Variants in GLS observed in about 807,000 individuals in gnomAD.
GLS encodes the protein glutaminase.
A neutral mutation model predicts 86.7 loss-of-function variants in GLS; 36 were observed. That is an observed-to-expected ratio of 0.42 (90% CI 0.32 to 0.55). The LOEUF (loss-of-function observed/expected upper bound fraction) is 0.55, where lower values mean the gene tolerates loss of function less well. GLS is among the 20% of genes least tolerant of loss of function. The probability of loss-of-function intolerance (pLI) is 0.17; values close to 1 mark genes in which losing one functional copy is unlikely to be tolerated. For synonymous variants in GLS, 317 were observed against 305.9 expected (o/e 1.04, Z -0.38); for missense variants, 528 against 833.4 (o/e 0.63, Z 4.51).
chr2:190,927,258 C>G, intron 11 of GLS, 48 bp from the exon 12 acceptor site: 1 of 1,306,326 alleles, frequency 7.7e-7, no homozygotes, highest in Non-Finnish European at 1.1e-6. Flanking sequence ...TAAAAGTGAA[C>G]AGTAATATTA....
intron 14 of GLS, among the ~76,000 whole-genome samples, chr2:190,950,984 T>A (rs920380586): frequency 2.0e-5 from 3 of 152,160 alleles, no homozygotes; most frequent in African/African-American, 7.2e-5. Context: ...GTTGCTGTTT[T>A]TGAGTTTGAA....
intron 11 of GLS, 33 bp from the exon 12 acceptor site, chr2:190,927,273 T>A (rs568699989): frequency 1.5e-5 from 23 of 1,494,786 alleles, no homozygotes; most frequent in Non-Finnish European, 2.1e-5. Flanking sequence ...ATATTAAAAG[T>A]AGTATGAGAA....
rs963042696 is a variant in GLS at position 190,947,159 on chromosome 2, C to T, written c.1651-6406C>T. On this transcript the variant is annotated intron_variant, in intron 14 of 17. Transcript: ENST00000320717. This position sits in a 1 kb window ranked among gnomAD's most constrained non-coding sequence, Gnocchi z 5.0. ...GAATTATTAGGGCATTTACAGAAGTCACACAACTCAACCTTTAAACAAGCT... is the reference window on the plus strand; with the variant it reads ...GAATTATTAGGGCATTTACAGAAGTTACACAACTCAACCTTTAAACAAGCT... 2.0e-5 allele frequency among the ~76,000 whole-genome samples: 3 copies of T among 152,148 alleles called. No homozygotes were observed. In the East Asian group the frequency reaches 5.8e-4, roughly 29 times the overall value.
At chr2:190,939,702 G>T (rs1430624562) in intron 14 of GLS, among the ~76,000 whole-genome samples, 1 of 151,502 alleles carries the variant, frequency 6.6e-6, no homozygotes, top group Non-Finnish European at 1.5e-5. Flanking sequence ...TCACAAAAGG[G>T]CAATTTCAAA....
rs961891919 is a variant in GLS, at chr2:190,914,947, A to G, written c.1038+4626A>G. Reference sequence around the variant, plus strand: ...AACTCAGTGCCTCTATCAAATTTTCATTCATACAGTATTCTTCAAAGGAAT... The same window carrying G: ...AACTCAGTGCCTCTATCAAATTTTCGTTCATACAGTATTCTTCAAAGGAAT... On this transcript the variant is annotated intron_variant, in intron 7 of 17. Transcript: ENST00000320717. The surrounding 1 kb of genome is among the most constrained non-coding windows in gnomAD (Gnocchi z 4.4). 1.3e-5 allele frequency among the ~76,000 whole-genome samples: 2 copies of G among 152,236 alleles called. No homozygotes were observed. The highest frequency in any genetic ancestry group is 6.8e-3 in the Middle Eastern group (2 of 294).
At position 190,905,873 on chromosome 2, in the gene GLS, G is replaced by C. The variant is rs1383869441; in HGVS notation, c.979+706G>C. 6.6e-6 allele frequency among the ~76,000 whole-genome samples: 1 copy of C among 152,032 alleles called. No homozygotes were observed. The highest frequency in any genetic ancestry group is 1.5e-5 in the Non-Finnish European group (1 of 67,950). On this transcript the variant is annotated intron_variant, in intron 6 of 17. Coordinates refer to ENST00000320717, the MANE Select transcript of GLS (RefSeq NM_014905.5). The surrounding 1 kb of genome is among the most constrained non-coding windows in gnomAD (Gnocchi z 4.6). ...CATATGCTGTGTTTCTGATTGATGA[G>C]TTAAGATATAGAATTGAAGAAAGTG...
In GLS at chr2:190,954,593, G is replaced by A. The variant is rs766583951; in HGVS notation, c.1722G>A (p.Leu574=). 8 of 1,609,272 alleles carry A rather than the reference G, an allele frequency of 5.0e-6. No homozygotes were observed. Among genetic ancestry groups the A allele is most frequent in the Non-Finnish European group, 5.9e-6 (7 of 1,177,254 alleles). The part of the protein sequence containing the change: ...GDVSALRRFA[L]SAMDMEQRDY... ...GCTTACACATTTTCAGATTTGCTTT[G>A]TCAGCTATGGACATGGAACAGCGGG... The change falls in exon 16 of 18, where the codon TTG becomes TTA. Residue 574 remains leucine, a synonymous_variant. Coordinates refer to ENST00000320717, the MANE Select transcript of GLS (RefSeq NM_014905.5). This position sits in a 1 kb window ranked among gnomAD's most constrained non-coding sequence, Gnocchi z 4.0.
rs187086069 is a variant in GLS at position 190,925,944 on chromosome 2, T to C, written c.1248+1351T>C. On this transcript the variant is annotated intron_variant, in intron 11 of 17. Coordinates refer to ENST00000320717, the MANE Select transcript of GLS (RefSeq NM_014905.5). ...ATTCCTTTGAAACTAGCCTTTTTTT[T>C]CCCCCTGGTCTGTATGAATTTTTTC... 1.6e-3 allele frequency among the ~76,000 whole-genome samples: 244 copies of C among 152,320 alleles called. 1 individual carries two copies. Among genetic ancestry groups the C allele is most frequent in the East Asian group, 0.012 (60 of 5,190 alleles).
intron 14 of GLS, among the ~76,000 whole-genome samples, chr2:190,932,290 C>T (rs1269574120): frequency 1.3e-5 from 2 of 151,730 alleles, no homozygotes; most frequent in Non-Finnish European, 3.0e-5. Context: ...CAGGACTTAA[C>T]TTTTTTGGTC....
intron 13 of GLS, among the ~76,000 whole-genome samples, chr2:190,931,298 A>G (rs1057294085): frequency 1.3e-5 from 2 of 152,140 alleles, no homozygotes; most frequent in African/African-American, 4.8e-5. Flanking sequence ...TATAAACCCT[A>G]TTTTGTAGAA....
Position 190,945,452 on chromosome 2 carries a change from G to A in GLS, c.1651-8113G>A, listed in dbSNP as rs542213433. The stretch of plus-strand genomic sequence containing the variant: ...GTGTCAGGAGGATTGCTTGAGCCCA[G>A]TAGTTTGAGACCAGCCTGGGCAACA... On this transcript the variant is annotated intron_variant, in intron 14 of 17. Transcript: ENST00000320717. 2.6e-5 allele frequency among the ~76,000 whole-genome samples: 4 copies of A among 152,092 alleles called. No individual in the cohort carries two copies. In the East Asian group the frequency reaches 7.7e-4, roughly 29 times the overall value.
At position 190,901,945 on chromosome 2, in the gene GLS, A is replaced by G. The variant is rs1209339913; in HGVS notation, c.736-2A>G. ...TTCATTTCTTTCCAATCTTTTGGAT[A>G]GGTTGCAGATTATATTCCTCAACTG... On this transcript the variant is annotated splice_acceptor_variant, in intron 4 of 17. Transcript: ENST00000320717. LOFTEE classifies it high-confidence loss of function. 1 of 1,575,876 alleles carries G rather than the reference A, an allele frequency of 6.3e-7. No homozygotes were observed. Among genetic ancestry groups the G allele is most frequent in the Non-Finnish European group, 8.7e-7 (1 of 1,145,434 alleles).
chr2:190,954,578 T>A lies in GLS; in HGVS notation c.1713-6T>A. ...ATAATAAATAGCTGTGCTTACACAT[T>A]TTCAGATTTGCTTTGTCAGCTATGG... On this transcript the variant is annotated splice_polypyrimidine_tract_variant and splice_region_variant and intron_variant, in intron 15 of 17. Coordinates refer to ENST00000320717, the MANE Select transcript of GLS (RefSeq NM_014905.5). The surrounding 1 kb of genome is among the most constrained non-coding windows in gnomAD (Gnocchi z 4.0). 3.1e-6 allele frequency: 5 copies of A among 1,600,260 alleles called. No individual in the cohort carries two copies. The highest frequency in any genetic ancestry group is 4.3e-6 in the Non-Finnish European group (5 of 1,169,234).
chr2:190,924,512 G>T lies in GLS; in HGVS notation c.1198-31G>T. 1 of 1,383,942 alleles carries T rather than the reference G, an allele frequency of 7.2e-7. No homozygotes were observed. Among genetic ancestry groups the T allele is most frequent in the Non-Finnish European group, 1.0e-6 (1 of 970,406 alleles). The allele number at this position is 1,383,942 out of a possible 1,614,324, so 85.7% of individuals were successfully genotyped here. On this transcript the variant is annotated intron_variant, in intron 10 of 17. Transcript: ENST00000320717. This position sits in a 1 kb window ranked among gnomAD's most constrained non-coding sequence, Gnocchi z 5.2. The stretch of plus-strand genomic sequence containing the variant: ...TACTTATGTGCATTCCTGTGTGCCT[G>T]AATTTTTAATTGCCTTTCTGGTTTT...
intron 7 of GLS, among the ~76,000 whole-genome samples, chr2:190,911,787 C>T (rs773859493): frequency 2.0e-4 from 31 of 152,090 alleles, no homozygotes; most frequent in Admixed American, 4.6e-4. Flanking sequence ...AAAATATCCA[C>T]ATACCATAAT....
intron 4 of GLS, 135 bp from the exon 5 acceptor site, chr2:190,901,812 C>G: frequency 1.6e-6 from 1 of 633,456 alleles, no homozygotes; most frequent in Non-Finnish European, 2.9e-6. Flanking sequence ...AGAAGATAGA[C>G]TATGAAGCCA....
chr2:190,893,545 G>A (rs561752241), intron 1 of GLS, among the ~76,000 whole-genome samples: 1 of 152,254 alleles, frequency 6.6e-6, no homozygotes, highest in South Asian at 2.1e-4. Context: ...TAGAATATAA[G>A]TAAGTGATCA....
At chr2:190,882,875 C>G (rs1306286725) in intron 1 of GLS, among the ~76,000 whole-genome samples, 1 of 152,148 alleles carries the variant, frequency 6.6e-6, no homozygotes, top group Non-Finnish European at 1.5e-5. Context: ...GTTTTAGGGA[C>G]TAGAATGATA....
intron 14 of GLS, chr2:190,934,645 A>AT (rs1690214553): frequency 1.4e-5 from 14 of 983,906 alleles, no homozygotes; most frequent in Non-Finnish European, 1.4e-5. Flanking sequence ...TTACCATTTC[A>AT]TTCCGAAGTT....
Sources: allele counts gnomAD v4.1 joint callset (sites outside exome capture counted in the v4.1 genomes callset), GRCh38; gene constraint gnomAD v4.1.1; non-coding constraint Gnocchi (gnomAD v3.1); transcripts MANE v1.5; gene names NCBI Gene and HGNC (gene_info 2026-07-23, HGNC 2026-07-21).